Variants in PTPRD observed in about 807,000 individuals in gnomAD.
PTPRD encodes the protein protein tyrosine phosphatase receptor type D, also known as receptor-type tyrosine-protein phosphatase delta.
In PTPRD, 34 loss-of-function variants were observed where a neutral mutation model predicts 214.5. The ratio of observed to expected loss-of-function variants is 0.16; its 90% CI spans 0.12 to 0.21. The LOEUF (loss-of-function observed/expected upper bound fraction) is 0.21, where lower values mean the gene tolerates loss of function less well. PTPRD is among the 10% of genes least tolerant of loss of function. The pLI is 1.00. For synonymous variants in PTPRD, 1,128 were observed against 845.7 expected, an observed-to-expected ratio of 1.33 and a Z score of -5.79; for missense variants, 2,545 against 2,398.7, an observed-to-expected ratio of 1.06 and a Z score of -1.27.
intron 9 of PTPRD, among the ~76,000 whole-genome samples, chr9:9,266,976 C>CA (rs1450764080): frequency 1.3e-5 from 2 of 150,914 alleles, no homozygotes; most frequent in Non-Finnish European, 1.5e-5. Flanking sequence ...ATAGAGACTA[C>CA]AAAAAATTAG....
intron 11 of PTPRD, among the ~76,000 whole-genome samples, chr9:8,805,315 C>T (rs2096653763): frequency 6.6e-6 from 1 of 152,108 alleles, no homozygotes; most frequent in African/African-American, 2.4e-5. Context: ...TCATTTTCCC[C>T]ATTTGAAGGT....
chr9:9,263,887 C>G (rs965670494), intron 9 of PTPRD, among the ~76,000 whole-genome samples: 2 of 151,458 alleles, frequency 1.3e-5, no homozygotes, highest in Admixed American at 1.3e-4. Flanking sequence ...ACCCATGTAA[C>G]AAACCTGCAT....
At chr9:9,001,394 T>C (rs1211121843) in intron 11 of PTPRD, among the ~76,000 whole-genome samples, 1 of 152,018 alleles carries the variant, frequency 6.6e-6, no homozygotes, top group Non-Finnish European at 1.5e-5. Context: ...CAAGTTTACA[T>C]AACTAGTAGG....
chr9:8,980,869 A>G (rs2099309144), intron 11 of PTPRD, among the ~76,000 whole-genome samples: 1 of 152,144 alleles, frequency 6.6e-6, no homozygotes, highest in African/African-American at 2.4e-5. Context: ...AGGAAATAAA[A>G]GAGACCATGA....
intron 9 of PTPRD, among the ~76,000 whole-genome samples, chr9:9,193,343 C>T (rs562028494): frequency 1.3e-5 from 2 of 152,106 alleles, no homozygotes; most frequent in South Asian, 2.1e-4. Flanking sequence ...TATTTGAAGC[C>T]TATTTTAAGG....
chr9:9,326,575 A>G (rs2040003494), intron 9 of PTPRD, among the ~76,000 whole-genome samples: 1 of 152,086 alleles, frequency 6.6e-6, no homozygotes, highest in Non-Finnish European at 1.5e-5. Context: ...TAAAAAAAGA[A>G]AAATGAAAAG....
At chr9:10,290,061 T>C (rs1257119849) in intron 3 of PTPRD, among the ~76,000 whole-genome samples, 1 of 152,144 alleles carries the variant, frequency 6.6e-6, no homozygotes, top group Non-Finnish European at 1.5e-5. Flanking sequence ...TCTGACAGGA[T>C]GACCATAATA....
intron 5 of PTPRD, among the ~76,000 whole-genome samples, chr9:9,915,301 A>T (rs1483665157): frequency 6.6e-6 from 1 of 152,126 alleles, no homozygotes; most frequent in Non-Finnish European, 1.5e-5. Flanking sequence ...CATGGAAATT[A>T]ATGTAGGAAC....
intron 9 of PTPRD, among the ~76,000 whole-genome samples, chr9:9,211,638 A>G (rs1276043139): frequency 1.3e-5 from 2 of 152,162 alleles, no homozygotes; most frequent in African/African-American, 4.8e-5. Context: ...GACATATACC[A>G]AAGAGCCTTA....
intron 8 of PTPRD, among the ~76,000 whole-genome samples, chr9:9,535,275 T>A (rs533272429): frequency 6.6e-6 from 1 of 152,240 alleles, no homozygotes; most frequent in South Asian, 2.1e-4. Context: ...TATTTGCTTT[T>A]AGGTAGAAGT....
intron 2 of PTPRD, among the ~76,000 whole-genome samples, chr9:10,527,307 C>T (rs560517873): frequency 2.6e-5 from 4 of 152,214 alleles, no homozygotes; most frequent in Admixed American, 2.6e-4. Context: ...TAAAGAACAG[C>T]CTCAAACAGC....
chr9:10,013,385 TAATC>T (rs1229937641), intron 4 of PTPRD, among the ~76,000 whole-genome samples: 1 of 151,960 alleles, frequency 6.6e-6, no homozygotes, highest in Non-Finnish European at 1.5e-5. Context: ...TGTAAATAAA[TAATC>T]AATCCTGATT....
At chr9:10,291,091 C>T (rs972797853) in intron 3 of PTPRD, among the ~76,000 whole-genome samples, 24 of 149,894 alleles carry the variant, frequency 1.6e-4, no homozygotes, top group African/African-American at 5.7e-4. Flanking sequence ...AGTGAGATTC[C>T]TCTTGAGATA....
chr9:10,487,628 C>T (rs1367273420), intron 2 of PTPRD, among the ~76,000 whole-genome samples: 1 of 151,772 alleles, frequency 6.6e-6, no homozygotes, highest in Non-Finnish European at 1.5e-5. Flanking sequence ...GGCATGTTCT[C>T]ACTCATAAGT....
At chr9:8,797,517 A>G (rs1374336597) in intron 11 of PTPRD, among the ~76,000 whole-genome samples, 3 of 152,172 alleles carry the variant, frequency 2.0e-5, no homozygotes, top group Non-Finnish European at 4.4e-5. Flanking sequence ...ACCATCACAC[A>G]CTATGAAGAT....
intron 31 of PTPRD, 85 bp downstream of exon 31, chr9:8,470,910 T>A: frequency 8.3e-7 from 1 of 1,212,014 alleles, no homozygotes; most frequent in Non-Finnish European, 1.2e-6. Context: ...CCAGATTAGA[T>A]CCTGAAAGGC....
chr9:9,723,967 C>T (rs2098023791), intron 7 of PTPRD, among the ~76,000 whole-genome samples: 1 of 151,882 alleles, frequency 6.6e-6, no homozygotes, highest in South Asian at 2.1e-4. Flanking sequence ...AGATTCTTTC[C>T]AATGTGGATC....
chr9:9,363,969 G>A (rs1390107500), intron 9 of PTPRD, among the ~76,000 whole-genome samples: 1 of 151,276 alleles, frequency 6.6e-6, no homozygotes, highest in Non-Finnish European at 1.5e-5. Flanking sequence ...CACACTGTCT[G>A]ACACACGGCA....
intron 3 of PTPRD, among the ~76,000 whole-genome samples, chr9:10,235,013 T>C (rs1002222199): frequency 6.6e-6 from 1 of 151,820 alleles, no homozygotes; most frequent in Non-Finnish European, 1.5e-5. Flanking sequence ...GATATATATA[T>C]ATAAACACTT....
Sources: allele counts gnomAD v4.1 joint callset (sites outside exome capture counted in the v4.1 genomes callset), GRCh38; gene constraint gnomAD v4.1.1; transcripts MANE v1.5; gene names NCBI Gene and HGNC (gene_info 2026-07-23, HGNC 2026-07-21).